The following EXTL3 variants were observed in gnomAD, a reference collection of about 807,000 sequenced individuals.
The protein encoded by EXTL3 is exostosin-like 3.
In EXTL3, 27 loss-of-function variants were observed where a neutral mutation model predicts 69.3. The observed-to-expected ratio is 0.39, with a 90% CI of 0.29 to 0.54. The LOEUF is 0.54. Ranked by LOEUF, EXTL3 falls within the 20% of genes least tolerant of loss-of-function variation. The probability of loss-of-function intolerance (pLI) is 0.69; values close to 1 mark genes in which losing one functional copy is unlikely to be tolerated. For missense variants in EXTL3, 1,003 were observed against 1,231.8 expected, an observed-to-expected ratio of 0.81 and a Z score of 2.78; for synonymous variants, 511 against 499.4, an observed-to-expected ratio of 1.02 and a Z score of -0.31.
intron 1 of EXTL3, among the ~76,000 whole-genome samples, chr8:28,672,968 G>A (rs1807321556): frequency 6.6e-6 from 1 of 152,154 alleles, no homozygotes; most frequent in Non-Finnish European, 1.5e-5. Flanking sequence ...GAGTTTCCCT[G>A]CACAAACTCT....
At chr8:28,656,417 C>T (rs1019200159) in intron 1 of EXTL3, among the ~76,000 whole-genome samples, 3 of 152,234 alleles carry the variant, frequency 2.0e-5, no homozygotes, top group Non-Finnish European at 4.4e-5. Context: ...CCTGACTCAG[C>T]TTCCCAAAGT....
chr8:28,610,117 C>T (rs1806251953), intron 2 of EXTL3, among the ~76,000 whole-genome samples: 1 of 151,956 alleles, frequency 6.6e-6, no homozygotes, highest in African/African-American at 2.4e-5. Flanking sequence ...GCAGGAGAAT[C>T]ACTTGAACCT....
At chr8:28,614,058 T>G (rs1179199642) in intron 2 of EXTL3, among the ~76,000 whole-genome samples, 1 of 152,008 alleles carries the variant, frequency 6.6e-6, no homozygotes, top group Non-Finnish European at 1.5e-5. Context: ...CTCAAACTCC[T>G]GGCCTCAAGC....
intron 1 of EXTL3, among the ~76,000 whole-genome samples, chr8:28,630,627 A>C (rs1806558214): frequency 6.6e-6 from 1 of 152,222 alleles, no homozygotes. Flanking sequence ...AACTTTACAG[A>C]GTTGTTGGGA....
chr8:28,673,913 T>C (rs923809842), intron 1 of EXTL3, among the ~76,000 whole-genome samples: 1 of 152,206 alleles, frequency 6.6e-6, no homozygotes, highest in Non-Finnish European at 1.5e-5. Flanking sequence ...CTAATCTGAT[T>C]AGATTTAAAG....
rs532447532 is a variant in EXTL3 at position 28,686,338 on chromosome 8, A to T, written c.-52-27119A>T. ...ACAGTATCCTCTCTCTCTCTCAAAA[A>T]AAAAAAAAAGAAAAGAAAAAAATTG... On this transcript the variant is annotated intron_variant, in intron 1 of 6. Coordinates refer to the EXTL3 transcript ENST00000523149. Among the ~76,000 whole-genome samples, 627 of 151,818 alleles carry T rather than the reference A, an allele frequency of 4.1e-3. 6 individuals are homozygous for T. The highest frequency in any genetic ancestry group is 0.014 in the African/African-American group (595 of 41,318).
At chr8:28,663,818 C>CCT (rs987683603) in intron 1 of EXTL3, among the ~76,000 whole-genome samples, 2 of 152,152 alleles carry the variant, frequency 1.3e-5, no homozygotes, top group African/African-American at 4.8e-5. Context: ...TCAAACCTCC[C>CCT]CTCAGCAAGA....
rs145734714 is a variant in EXTL3 at position 28,716,897 on chromosome 8, C to A, written c.838C>A (p.Arg280Ser). Reference protein sequence around the residue: ...GHNHVIINLSRKSDTQNLLYN... With the variant: ...GHNHVIINLSSKSDTQNLLYN... ...CAACCATGTCATCATCAATCTGTCACGTAAGTCAGATACACAGAACCTTCT... is the reference window on the plus strand; with the variant it reads ...CAACCATGTCATCATCAATCTGTCAAGTAAGTCAGATACACAGAACCTTCT... The change falls in exon 3 of 7, where the codon CGT (arginine) becomes AGT (serine). Residue 280 changes from arginine (R) to serine (S), a missense_variant. Physicochemically the swap from Arg to Ser is moderately radical, Grantham distance 110 (BLOSUM62 -1). This residue lies in a region of EXTL3 where 742 missense variants were observed against 815.4 expected (regional missense o/e 0.91). Transcript: ENST00000220562. This position sits in a 1 kb window ranked among gnomAD's most constrained non-coding sequence, Gnocchi z 7.1. 7 of 1,614,192 alleles carry A rather than the reference C, an allele frequency of 4.3e-6. No individual in the cohort carries two copies. The highest frequency in any genetic ancestry group is 1.6e-4 in the Middle Eastern group (1 of 6,062).
At chr8:28,685,013 A>G in intron 1 of EXTL3, among the ~76,000 whole-genome samples, 1 of 85,710 alleles carries the variant, frequency 1.2e-5, no homozygotes, top group Middle Eastern at 6.4e-3. Context: ...GTGCAGTGCC[A>G]CAGTCACAGC....
chr8:28,614,559 G>A (rs879810572), intron 2 of EXTL3, among the ~76,000 whole-genome samples: 9 of 151,752 alleles, frequency 5.9e-5, no homozygotes, highest in Admixed American at 5.9e-4. Flanking sequence ...CAGGTGTGAG[G>A]ACCCCAGTTC....
chr8:28,659,126 C>A (rs1283220329), intron 1 of EXTL3, among the ~76,000 whole-genome samples: 1 of 152,216 alleles, frequency 6.6e-6, no homozygotes, highest in African/African-American at 2.4e-5. Flanking sequence ...TGGCCCACTT[C>A]CCTCCATGGG....
At chr8:28,741,305 C>T in intron 5 of EXTL3, 1 of 152,112 alleles carries the variant, frequency 6.6e-6, no homozygotes, top group East Asian at 1.9e-4. Flanking sequence ...TATTAAAAGG[C>T]AGTTCTTATT....
intron 2 of EXTL3, among the ~76,000 whole-genome samples, chr8:28,612,478 GAAAAAAGA>G (rs1325883739): frequency 4.1e-5 from 6 of 144,808 alleles, no homozygotes; most frequent in Non-Finnish European, 7.5e-5. Flanking sequence ...AAAAAAAAAA[GAAAAAAGA>G]AAAAAAGAAA....
In EXTL3 at chr8:28,685,572, C is replaced by T. The variant is rs114431109; in HGVS notation, c.-52-27885C>T. Among the ~76,000 whole-genome samples the T allele has an allele frequency of 6.0e-3, 911 of 152,236 alleles. 7 individuals carry two copies. The highest frequency in any genetic ancestry group is 0.021 in the African/African-American group (856 of 41,524). ...TGAGCTCCTGGGCTCAAGTGATCCT[C>T]CTGCCTCCGCTTCCTAAAGGGCTGG... On this transcript the variant is annotated intron_variant, in intron 1 of 6. Coordinates refer to the EXTL3 transcript ENST00000523149.
chr8:28,648,573 G>A (rs1182774834), intron 1 of EXTL3, among the ~76,000 whole-genome samples: 2 of 151,952 alleles, frequency 1.3e-5, no homozygotes, highest in Non-Finnish European at 2.9e-5. Context: ...TAAATAATAA[G>A]AGAAAAAGTC....
chr8:28,643,507 C>T (rs909947979), intron 1 of EXTL3, among the ~76,000 whole-genome samples: 3 of 151,692 alleles, frequency 2.0e-5, no homozygotes, highest in South Asian at 2.1e-4. Flanking sequence ...CTCTGCCTCC[C>T]GGGTTTACGC....
At chr8:28,740,224 C>T (rs1801746271) in intron 5 of EXTL3, 2 of 152,228 alleles carry the variant, frequency 1.3e-5, no homozygotes, top group Non-Finnish European at 2.9e-5. Flanking sequence ...GTAGTTGAGG[C>T]CCATGATGGG....
At chr8:28,756,557 C>A (rs1457748129), downstream of EXTL3, among the ~76,000 whole-genome samples, 2 of 152,168 alleles carry the variant, frequency 1.3e-5, no homozygotes, top group African/African-American at 4.8e-5. Context: ...TTTCCGTGAA[C>A]ATTCATGTGC....
intron 1 of EXTL3, among the ~76,000 whole-genome samples, chr8:28,672,119 G>A (rs1300625145): frequency 6.6e-6 from 1 of 151,990 alleles, no homozygotes; most frequent in Non-Finnish European, 1.5e-5. Flanking sequence ...GCTTTCCTTA[G>A]AATATGGTTT....
Sources: allele counts gnomAD v4.1 joint callset (sites outside exome capture counted in the v4.1 genomes callset), GRCh38; gene constraint gnomAD v4.1.1; regional missense constraint gnomAD v4.1.1; non-coding constraint Gnocchi (gnomAD v3.1); transcripts MANE v1.5; gene names NCBI Gene and HGNC (gene_info 2026-07-23, HGNC 2026-07-21).